The following HTR3B variants were observed in gnomAD, a reference collection of about 807,000 sequenced individuals.
HTR3B encodes the protein 5-hydroxytryptamine (serotonin) receptor 3B, ionotropic.
In HTR3B, 44 loss-of-function variants were observed where a neutral mutation model predicts 42.8. The observed-to-expected ratio is 1.03, with a 90% CI of 0.81 to 1.32. The LOEUF is 1.32. HTR3B is among the 40% of genes most tolerant of loss of function. The pLI is 0.00. For synonymous variants in HTR3B, 203 were observed against 209.0 expected (o/e 0.97, Z 0.25); for missense variants, 527 against 536.5 (o/e 0.98, Z 0.17).
At position 113,947,206 on chromosome 11, in the gene HTR3B, C is replaced by T. The variant is rs148274539; in HGVS notation, c.*1069C>T. Among the ~76,000 whole-genome samples the T allele has an allele frequency of 1.3e-5, 2 of 152,028 alleles. No homozygotes were observed. Among genetic ancestry groups the T allele is most frequent in the African/African-American group, 4.8e-5 (2 of 41,482 alleles). ...GTAACCTCCACCTCCCGGGTTCAAG[C>T]AATTCCCCTGCCTCAGCCTCCCGAG... On this transcript the variant is annotated 3_prime_UTR_variant, in exon 9 of 9. Transcript: ENST00000260191.
At chr11:113,911,478 C>T (rs1406182482) in intron 2 of HTR3B, among the ~76,000 whole-genome samples, 1 of 151,996 alleles carries the variant, frequency 6.6e-6, no homozygotes, top group African/African-American at 2.4e-5. Context: ...GATCTGCCCA[C>T]CTCAGCCTCC....
In HTR3B at chr11:113,944,626, A is replaced by T; in HGVS notation, c.961A>T (p.Ile321Phe). Residue 321 changes from isoleucine (I) to phenylalanine (F), a missense_variant, in exon 8 of 9, where the codon ATC becomes TTC. By Grantham distance (21) the Ile-to-Phe change is conservative. Transcript: ENST00000260191. ...AFLVLSLAKS[I>F]VLVKFLHDEQ... ...CTTGGTTCTCAGCTTAGCTAAGTCC[A>T]TCGTGTTGGTCAAATTCCTCCATGA... is the stretch of plus-strand genomic sequence containing the variant. 2 of 1,614,130 alleles carry T rather than the reference A, an allele frequency of 1.2e-6. No individual in the cohort carries two copies. The highest frequency in any genetic ancestry group is 1.7e-6 in the Non-Finnish European group (2 of 1,180,008).
At chr11:113,899,625 A>G in the HTR3B span, among the ~76,000 whole-genome samples, 59 of 152,232 alleles carry the variant, frequency 3.9e-4, no homozygotes, top group Non-Finnish European at 3.2e-4. Flanking sequence ...TATTTATGGG[A>G]TTTACTGGTA....
At chr11:113,921,154 A>T (rs952136340) in intron 2 of HTR3B, among the ~76,000 whole-genome samples, 31 of 144,770 alleles carry the variant, frequency 2.1e-4, no homozygotes, top group African/African-American at 6.9e-4. Flanking sequence ...TTTATTTTTT[A>T]TTTTTTTTTT....
intron 2 of HTR3B, among the ~76,000 whole-genome samples, chr11:113,915,759 G>A (rs1442547036): frequency 2.0e-5 from 3 of 152,134 alleles, no homozygotes; most frequent in Non-Finnish European, 4.4e-5. Context: ...CAAAGTGGCT[G>A]TTATCATTTT....
At position 113,943,130 on chromosome 11, in the gene HTR3B, C is replaced by T. The variant is rs746902797; in HGVS notation, c.845C>T (p.Thr282Ile). 2.5e-6 allele frequency: 4 copies of T among 1,614,096 alleles called. No individual in the cohort carries two copies. The highest frequency in any genetic ancestry group is 2.5e-6 in the Non-Finnish European group (3 of 1,180,012). Residue 282 changes from threonine (T) to isoleucine (I), a missense_variant, in exon 7 of 9, where the codon ACC becomes ATC. Coordinates refer to ENST00000260191, the MANE Select transcript of HTR3B (RefSeq NM_006028.5). ...AAGACCAGTGTGCTGGTGGGCTACA[C>T]CGTCTTCAGGGTCAACATGTCCAAC... ...VFKTSVLVGY[T>I]VFRVNMSNQV... is the part of the protein sequence containing the mutation.
At chr11:113,908,850 G>GT (rs535359763) in intron 1 of HTR3B, 126 of 178,274 alleles carry the variant, frequency 7.1e-4, no homozygotes, top group African/African-American at 2.8e-3. Context: ...GTTTCTTCAT[G>GT]TTTTTTTGCT....
At chr11:113,924,207 CT>C (rs979371576) in intron 2 of HTR3B, among the ~76,000 whole-genome samples, 1 of 152,132 alleles carries the variant, frequency 6.6e-6, no homozygotes, top group African/African-American at 2.4e-5. Context: ...GCATTTTGAA[CT>C]TTTTTTCTTT....
chr11:113,944,845 C>A, intron 8 of HTR3B, 90 bp downstream of exon 8: 1 of 1,265,516 alleles, frequency 7.9e-7, no homozygotes, highest in Non-Finnish European at 1.1e-6. Flanking sequence ...ATTGCGTTGG[C>A]CTATGTGAAA....
upstream of HTR3B, among the ~76,000 whole-genome samples, chr11:113,901,239 C>T (rs1949695768): frequency 6.6e-6 from 1 of 152,000 alleles, no homozygotes; most frequent in Non-Finnish European, 1.5e-5. Context: ...CTCAGGAGAT[C>T]AAGACCAGCC....
At chr11:113,936,944 T>A (rs1461989761) in intron 6 of HTR3B, among the ~76,000 whole-genome samples, 1 of 152,230 alleles carries the variant, frequency 6.6e-6, no homozygotes, top group African/African-American at 2.4e-5. Flanking sequence ...TTGATCTCTT[T>A]CATTAACATC....
chr11:113,941,605 G>C (rs992319617), intron 6 of HTR3B, among the ~76,000 whole-genome samples: 2 of 152,138 alleles, frequency 1.3e-5, no homozygotes, highest in Non-Finnish European at 2.9e-5. Context: ...TGCTCCTGGA[G>C]ACTGAGCTGT....
chr11:113,944,905 C>A (rs1950165174), intron 8 of HTR3B, 150 bp downstream of exon 8: 1 of 623,850 alleles, frequency 1.6e-6, no homozygotes. Flanking sequence ...TATATTATCT[C>A]TCTGGAGACT....
chr11:113,946,120 CTG>C lies in HTR3B; in HGVS notation c.1312_1313del (p.Trp438GlyfsTer17). On this transcript the variant is annotated frameshift_variant, in exon 9 of 9. Coordinates refer to ENST00000260191, the MANE Select transcript of HTR3B (RefSeq NM_006028.5). LOFTEE classifies it high-confidence loss of function. ...CATCACTCTGTGCTCCCTCTGGGCA[CTG>C]TGGGGCGGCGTGTGAAGACTGAAGT... is the stretch of plus-strand genomic sequence containing the variant. ...YTITLCSLWA[L>X]WGGV The C allele has an allele frequency of 1.2e-6, 2 of 1,613,320 alleles. No homozygotes were observed. The highest frequency in any genetic ancestry group is 1.7e-6 in the Non-Finnish European group (2 of 1,179,376).
chr11:113,935,823 C>T (rs1018612851), intron 6 of HTR3B, among the ~76,000 whole-genome samples: 9 of 152,232 alleles, frequency 5.9e-5, no homozygotes, highest in Middle Eastern at 3.4e-3. Context: ...AGGTTGGGGA[C>T]GGGTAGGGAA....
chr11:113,923,110 C>A (rs1949932644), intron 2 of HTR3B, among the ~76,000 whole-genome samples: 2 of 152,242 alleles, frequency 1.3e-5, no homozygotes, highest in Non-Finnish European at 2.9e-5. Flanking sequence ...GTCTCTATTG[C>A]ATGTAGGTGG....
At chr11:113,902,295 T>C (rs554601678), upstream of HTR3B, among the ~76,000 whole-genome samples, 1 of 152,264 alleles carries the variant, frequency 6.6e-6, no homozygotes, top group Non-Finnish European at 1.5e-5. Context: ...TTTTTGTTTT[T>C]TGTTTTTTTT....
chr11:113,900,704 G>T (rs1411250907), upstream of HTR3B, among the ~76,000 whole-genome samples: 1 of 152,094 alleles, frequency 6.6e-6, no homozygotes, highest in Non-Finnish European at 1.5e-5. Flanking sequence ...TGTTGGTCAG[G>T]CTGGTCTCGA....
intron 2 of HTR3B, among the ~76,000 whole-genome samples, chr11:113,927,921 T>C (rs940565259): frequency 3.3e-5 from 5 of 152,200 alleles, no homozygotes; most frequent in Middle Eastern, 3.2e-3. Flanking sequence ...GTGCAGGATG[T>C]GCAGGTTTGT....
Sources: allele counts gnomAD v4.1 joint callset (sites outside exome capture counted in the v4.1 genomes callset), GRCh38; gene constraint gnomAD v4.1.1; transcripts MANE v1.5; gene names NCBI Gene and HGNC (gene_info 2026-07-23, HGNC 2026-07-21).